WAC: variants seen among roughly 807,000 people sequenced by gnomAD.
WAC encodes the protein WW domain-containing adapter protein with coiled-coil.
WAC carries 11 observed loss-of-function variants against 79.6 expected under a neutral mutation model. The observed-to-expected ratio is 0.14, with a 90% CI of 0.09 to 0.23. The LOEUF is 0.23. Among genes scored for constraint, WAC ranks in the 10% least tolerant of loss-of-function variants. The probability of loss-of-function intolerance (pLI) is 1.00; values close to 1 mark genes in which losing one functional copy is unlikely to be tolerated. For synonymous variants in WAC, 304 were observed against 276.9 expected, an observed-to-expected ratio of 1.10 and a Z score of -0.97; for missense variants, 728 against 773.5, an observed-to-expected ratio of 0.94 and a Z score of 0.70.
At position 28,611,766 on chromosome 10, in the gene WAC, T is replaced by C. The variant is rs1363985392; in HGVS notation, c.1289-8T>C. ...TTCTTTAAAATTAATTGCTTCCCTC[T>C]TTTACAGCCCAGCCATCTAATCAGT... On this transcript the variant is annotated splice_polypyrimidine_tract_variant and splice_region_variant and intron_variant, in intron 9 of 13. Transcript: ENST00000354911. 6.2e-7 allele frequency: 1 copy of C among 1,606,150 alleles called. No individual in the cohort carries two copies. Among genetic ancestry groups the C allele is most frequent in the Non-Finnish European group, 8.5e-7 (1 of 1,178,176 alleles).
intron 3 of WAC, among the ~76,000 whole-genome samples, chr10:28,575,680 T>G (rs1458499053): frequency 6.6e-6 from 1 of 152,228 alleles, no homozygotes; most frequent in African/African-American, 2.4e-5. Flanking sequence ...ATCAGATTAT[T>G]TTTATTGAGC....
At chr10:28,541,347 C>A (rs1837010148) in intron 3 of WAC, among the ~76,000 whole-genome samples, 1 of 148,568 alleles carries the variant, frequency 6.7e-6, no homozygotes, top group African/African-American at 2.5e-5. Context: ...CTATACCAGG[C>A]ACTAGATATA....
chr10:28,546,564 A>AT (rs931003176), intron 3 of WAC, among the ~76,000 whole-genome samples: 60 of 151,800 alleles, frequency 4.0e-4, no homozygotes, highest in African/African-American at 9.2e-4. Context: ...TGATACTTTG[A>AT]TTTTTTTTTA....
chr10:28,612,685 T>G (rs1024507722), intron 10 of WAC, among the ~76,000 whole-genome samples: 5 of 142,210 alleles, frequency 3.5e-5, no homozygotes, highest in African/African-American at 1.2e-4. Context: ...GGTCAGCTTT[T>G]AAGTCTTCCC....
At chr10:28,594,426 A>G (rs574871083) in intron 6 of WAC, among the ~76,000 whole-genome samples, 50 of 152,242 alleles carry the variant, frequency 3.3e-4, no homozygotes, top group Non-Finnish European at 5.0e-4. Context: ...GCAAGTTGAT[A>G]GCTTACTTAT....
intron 10 of WAC, 114 bp from the exon 11 acceptor site, chr10:28,614,453 A>G: frequency 2.6e-6 from 1 of 383,312 alleles, no homozygotes; most frequent in African/African-American, 2.8e-5. Flanking sequence ...AATGAGATCT[A>G]AGTTTCAGAA....
chr10:28,546,227 G>A (rs1837341802), intron 3 of WAC, among the ~76,000 whole-genome samples: 2 of 152,178 alleles, frequency 1.3e-5, no homozygotes. Context: ...TTTTCTGGTA[G>A]CTAAAAAAGC....
At chr10:28,538,741 A>G (rs897437607) in intron 3 of WAC, among the ~76,000 whole-genome samples, 9 of 148,088 alleles carry the variant, frequency 6.1e-5, no homozygotes, top group African/African-American at 2.2e-4. Flanking sequence ...AAAAAAAAAA[A>G]TTTTTTTTTT....
intron 13 of WAC, chr10:28,618,004 C>T: frequency 5.6e-6 from 2 of 358,726 alleles, no homozygotes; most frequent in Non-Finnish European, 4.9e-6. Context: ...AGACTTTTCT[C>T]ATAACTCCAT....
chr10:28,618,392 CATAA>C (rs1841565389), intron 13 of WAC, among the ~76,000 whole-genome samples: 1 of 152,120 alleles, frequency 6.6e-6, no homozygotes, highest in South Asian at 2.1e-4. Context: ...GTCAAGAAAC[CATAA>C]ATATTTAGTA....
chr10:28,548,805 A>C (rs1837505176), intron 3 of WAC, among the ~76,000 whole-genome samples: 1 of 152,284 alleles, frequency 6.6e-6, no homozygotes, highest in South Asian at 2.1e-4. Context: ...TGAGCTGTCC[A>C]GTGTGGTAGC....
chr10:28,589,925 A>G, intron 5 of WAC, 74 bp downstream of exon 5: 1 of 1,141,140 alleles, frequency 8.8e-7, no homozygotes, highest in Non-Finnish European at 1.3e-6. Flanking sequence ...ACAGCATTAA[A>G]CATTCTAATT....
At position 28,616,198 on chromosome 10, in the gene WAC, C is replaced by T; in HGVS notation, c.1582C>T (p.Pro528Ser). Residue 528 changes from proline (P) to serine (S), a missense_variant, in exon 12 of 14, where the codon CCC becomes TCC. Physicochemically the swap from Pro to Ser is moderately conservative, Grantham distance 74. Around this residue, in one of 3 missense-constraint regions of WAC, gnomAD observed 648 missense variants for 661.5 expected, o/e 0.98. Coordinates refer to ENST00000354911, the MANE Select transcript of WAC (RefSeq NM_016628.5). ...SSSQRSPSPG[P>S]NHTSNSSNAS... is the part of the protein sequence containing the mutation. ...TAGCCAGAGAAGTCCATCACCTGGT[C>T]CCAATCATACTTCTAATAGTAGTAA... is the stretch of plus-strand genomic sequence containing the variant. 1 of 1,606,998 alleles carries T rather than the reference C, an allele frequency of 6.2e-7. No individual in the cohort carries two copies. The highest frequency in any genetic ancestry group is 1.1e-5 in the South Asian group (1 of 90,374).
chr10:28,589,736 C>T lies in WAC; in HGVS notation c.382C>T (p.Pro128Ser), dbSNP rs761816821. 1 of 1,578,296 alleles carries T rather than the reference C, an allele frequency of 6.3e-7. No homozygotes were observed. The highest frequency in any genetic ancestry group is 1.1e-5 in the South Asian group (1 of 87,596). Residue 128 changes from proline (P) to serine (S), a missense_variant and splice_region_variant, in exon 5 of 14, where the codon CCT (proline) becomes TCT (serine). By Grantham distance (74) the Pro-to-Ser change is moderately conservative. Around this residue, in one of 3 missense-constraint regions of WAC, gnomAD observed 648 missense variants for 661.5 expected, o/e 0.98. Transcript: ENST00000354911. ...SNNPSKTSDA[P>S]YDSADDWSEH... ...TAATTGTAAAAAATATATTTTTAAG[C>T]CTTATGATTCTGCAGATGACTGGTC... is the stretch of plus-strand genomic sequence containing the variant.
intron 3 of WAC, among the ~76,000 whole-genome samples, chr10:28,575,367 A>G (rs548004707): frequency 7.2e-4 from 109 of 152,318 alleles, no homozygotes; most frequent in Middle Eastern, 3.4e-3. Context: ...TTTTATGGCT[A>G]CAGATAACTA....
intron 7 of WAC, among the ~76,000 whole-genome samples, chr10:28,601,844 A>G (rs570191403): frequency 6.6e-6 from 1 of 152,286 alleles, no homozygotes; most frequent in South Asian, 2.1e-4. Context: ...AGAATGGTCA[A>G]ATTCATACAG....
In WAC at chr10:28,596,802, C is replaced by G. The variant is rs144741408; in HGVS notation, c.919+761C>G. On this transcript the variant is annotated intron_variant, in intron 7 of 13. Coordinates refer to ENST00000354911, the MANE Select transcript of WAC (RefSeq NM_016628.5). Reference sequence around the variant, plus strand: ...AGCAGACCATTAGTAAGTGTTGATGCGCTTTTAAATGTGCTGTGGGTTTAG... The same window carrying G: ...AGCAGACCATTAGTAAGTGTTGATGGGCTTTTAAATGTGCTGTGGGTTTAG... Among the ~76,000 whole-genome samples, 5 of 152,158 alleles carry G rather than the reference C, an allele frequency of 3.3e-5. No individual in the cohort carries two copies. In the East Asian group the frequency reaches 9.7e-4, roughly 29 times the overall value.
chr10:28,540,776 T>G (rs1452889920), intron 3 of WAC, among the ~76,000 whole-genome samples: 1 of 152,232 alleles, frequency 6.6e-6, no homozygotes, highest in Non-Finnish European at 1.5e-5. Context: ...TTGCATTGGA[T>G]TTCCATTGGT....
At chr10:28,575,296 C>G (rs1057253823) in intron 3 of WAC, among the ~76,000 whole-genome samples, 1 of 152,148 alleles carries the variant, frequency 6.6e-6, no homozygotes, top group Non-Finnish European at 1.5e-5. Context: ...TCTGTTGTTG[C>G]CATCTTTACG....
Sources: gnomAD v4.1 joint callset for allele counts (sites outside exome capture counted in the v4.1 genomes callset) on GRCh38, gnomAD v4.1.1 for gene constraint, gnomAD v4.1.1 regional missense constraint, MANE v1.5 for transcripts, NCBI Gene and HGNC (gene_info 2026-07-23, HGNC 2026-07-21) for gene names.